Variants in RBM19 observed in about 807,000 individuals in gnomAD.
The protein encoded by RBM19 is RNA binding motif protein 19.
Under a neutral mutation model 116.8 loss-of-function variants are expected in RBM19, and 94 were observed. That is an observed-to-expected ratio of 0.80 (90% CI 0.68 to 0.95). The LOEUF (loss-of-function observed/expected upper bound fraction) is 0.95. RBM19 is among the 40% of genes least tolerant of loss of function. The probability of loss-of-function intolerance (pLI) is 0.00; values close to 1 mark genes in which losing one functional copy is unlikely to be tolerated. For synonymous variants in RBM19, 475 were observed against 494.1 expected (o/e 0.96, Z 0.51); for missense variants, 1,161 against 1,220.7 (o/e 0.95, Z 0.73).
At position 113,939,975 on chromosome 12, in the gene RBM19, A is replaced by G. The variant is rs142047648; in HGVS notation, c.1923T>C (p.His641=). The stretch of plus-strand genomic sequence containing the variant: ...GCAGCCCTACCTTGGAATAGGCCAG[A>G]TGCCTGAAGGCCTTGCGGGCCTCCA... ...EPLEARKAFR[H]LAYSKFHHVP... The change falls in exon 15 of 24, where the codon CAT becomes CAC. Residue 641 remains histidine, a synonymous_variant. Coordinates refer to ENST00000261741, the MANE Select transcript of RBM19 (RefSeq NM_016196.4). 9.3e-6 allele frequency: 15 copies of G among 1,614,040 alleles called. No individual in the cohort carries two copies. The African/African-American group carries it at 1.9e-4, about 20-fold the overall frequency.
At chr12:113,835,991 G>GGT (rs1321382355) in intron 23 of RBM19, among the ~76,000 whole-genome samples, 2 of 152,254 alleles carry the variant, frequency 1.3e-5, no homozygotes, top group Non-Finnish European at 2.9e-5. Flanking sequence ...TGCGCTCGCA[G>GGT]GTACTGTGGC....
intron 20 of RBM19, among the ~76,000 whole-genome samples, chr12:113,915,841 A>C (rs1372119794): frequency 6.6e-6 from 1 of 152,208 alleles, no homozygotes; most frequent in Admixed American, 6.5e-5. Flanking sequence ...AACATTCAAT[A>C]AACAGCAGCT....
At chr12:113,842,717 G>A (rs569591258) in intron 23 of RBM19, among the ~76,000 whole-genome samples, 1 of 152,312 alleles carries the variant, frequency 6.6e-6, no homozygotes, top group East Asian at 1.9e-4. Context: ...AGTAGAGGAT[G>A]GAGAAATTAC....
chr12:113,822,309 C>T lies in RBM19; in HGVS notation c.*915G>A, dbSNP rs3825207. 12,534 of 152,278 alleles carry T rather than the reference C, an allele frequency of 0.082. 558 individuals are homozygous for T. The highest frequency in any genetic ancestry group is 0.15 in the Middle Eastern group (43 of 294). The allele number at this position is 152,278 out of a possible 1,614,324, so 9.4% of individuals were successfully genotyped here. ...TGGTGCTGGCACAGGCCCTTCCAGGCGGGAGGCTGCGTCTCAGGCTGGAGA... is the reference window on the plus strand; with the variant it reads ...TGGTGCTGGCACAGGCCCTTCCAGGTGGGAGGCTGCGTCTCAGGCTGGAGA... On this transcript the variant is annotated 3_prime_UTR_variant, in exon 24 of 24. Transcript: ENST00000261741.
At chr12:113,965,142 G>T (rs974666053) in intron 1 of RBM19, among the ~76,000 whole-genome samples, 1 of 151,670 alleles carries the variant, frequency 6.6e-6, no homozygotes, top group Middle Eastern at 3.4e-3. Context: ...GCTTGGTGGC[G>T]CGTGTCTGTA....
At position 113,950,165 on chromosome 12, in the gene RBM19, A is replaced by C; in HGVS notation, c.1001-11T>G. The C allele has an allele frequency of 6.3e-7, 1 of 1,596,682 alleles. No homozygotes were observed. Among genetic ancestry groups the C allele is most frequent in the Non-Finnish European group, 8.6e-7 (1 of 1,164,654 alleles). On this transcript the variant is annotated splice_polypyrimidine_tract_variant and intron_variant, in intron 8 of 23. Coordinates refer to ENST00000261741, the MANE Select transcript of RBM19 (RefSeq NM_016196.4). ...CCACAAAGATGTATCCTGACAGAGG[A>C]CAATGACAGAGGTAAAATCTGCAGG...
intron 21 of RBM19, among the ~76,000 whole-genome samples, chr12:113,899,344 C>G (rs1881536049): frequency 6.6e-6 from 1 of 152,218 alleles, no homozygotes; most frequent in South Asian, 2.1e-4. Context: ...GAGATGACAG[C>G]AACCCTAAGC....
chr12:113,901,225 T>C (rs1881663811), intron 21 of RBM19, among the ~76,000 whole-genome samples: 1 of 152,218 alleles, frequency 6.6e-6, no homozygotes, highest in African/African-American at 2.4e-5. Flanking sequence ...ACAGTTAGCC[T>C]AGATTTAAGT....
intron 21 of RBM19, among the ~76,000 whole-genome samples, chr12:113,870,618 A>C (rs902019110): frequency 2.0e-5 from 3 of 152,150 alleles, no homozygotes; most frequent in Non-Finnish European, 4.4e-5. Flanking sequence ...AGATCTTACA[A>C]ATACAGGGAG....
intron 23 of RBM19, among the ~76,000 whole-genome samples, chr12:113,835,992 G>A (rs1463407984): frequency 6.6e-6 from 1 of 152,204 alleles, no homozygotes; most frequent in Non-Finnish European, 1.5e-5. Context: ...GCGCTCGCAG[G>A]TACTGTGGCC....
chr12:113,868,752 A>G (rs1424241086), intron 21 of RBM19, among the ~76,000 whole-genome samples: 1 of 152,204 alleles, frequency 6.6e-6, no homozygotes, highest in African/African-American at 2.4e-5. Flanking sequence ...ATTAAGGCAC[A>G]AGGCCTTGGT....
rs781712643 is a variant in RBM19 at position 113,903,496 on chromosome 12, A to G, written c.2558+11473T>C. On this transcript the variant is annotated intron_variant, in intron 21 of 23. Transcript: ENST00000261741. This position sits in a 1 kb window ranked among gnomAD's most constrained non-coding sequence, Gnocchi z 5.1. ...TGCCCAAGAGTGCAATCACTGGGTC[A>G]TAGAGAAAGTGCACGTTTTACTTTG... Among the ~76,000 whole-genome samples the G allele has an allele frequency of 1.3e-5, 2 of 152,202 alleles. No homozygotes were observed. Among genetic ancestry groups the G allele is most frequent in the African/African-American group, 2.4e-5 (1 of 41,438 alleles).
chr12:113,849,261 C>A (rs1251463331), intron 22 of RBM19, among the ~76,000 whole-genome samples: 1 of 152,240 alleles, frequency 6.6e-6, no homozygotes, highest in African/African-American at 2.4e-5. Flanking sequence ...GAAGGCGCTC[C>A]ATGCTTAAGA....
At chr12:113,840,465 G>T (rs1876365890) in intron 23 of RBM19, among the ~76,000 whole-genome samples, 1 of 152,218 alleles carries the variant, frequency 6.6e-6, no homozygotes, top group Admixed American at 6.5e-5. Context: ...CTGGCAACAT[G>T]CCCTGACATG....
intron 18 of RBM19, among the ~76,000 whole-genome samples, chr12:113,923,259 G>A (rs1032740972): frequency 6.6e-6 from 1 of 152,156 alleles, no homozygotes; most frequent in Non-Finnish European, 1.5e-5. Flanking sequence ...ATAGAAGGAG[G>A]ATGCCCTGTG....
At chr12:113,876,972 C>T (rs1206637338) in intron 21 of RBM19, among the ~76,000 whole-genome samples, 3 of 152,138 alleles carry the variant, frequency 2.0e-5, no homozygotes, top group Admixed American at 6.5e-5. Context: ...GACTGAAATC[C>T]CACTTTACAC....
Position 113,858,870 on chromosome 12 carries a change from C to T in RBM19, c.2585G>A (p.Arg862His), listed in dbSNP as rs146110962. ...FSTFGELKTV[R>H]LPKKMTGTGT... Reference sequence around the variant, plus strand: ...TGTCCCAGTCATCTTCTTTGGCAGGCGGACCGTCTTCAACTCCCCAAAGGT... The same window carrying T: ...TGTCCCAGTCATCTTCTTTGGCAGGTGGACCGTCTTCAACTCCCCAAAGGT... Residue 862 changes from arginine to histidine, a missense_variant, in exon 22 of 24, where the codon CGC becomes CAC. By Grantham distance (29) the Arg-to-His change is conservative. Coordinates refer to ENST00000261741, the MANE Select transcript of RBM19 (RefSeq NM_016196.4). 131 of 1,614,096 alleles carry T rather than the reference C, an allele frequency of 8.1e-5. 1 individual carries two copies. In the African/African-American group the frequency reaches 1.4e-3, roughly 17 times the overall value.
intron 10 of RBM19, among the ~76,000 whole-genome samples, chr12:113,948,174 T>G (rs985753123): frequency 1.3e-5 from 2 of 152,206 alleles, no homozygotes; most frequent in African/African-American, 4.8e-5. Flanking sequence ...AACCTACAGC[T>G]GGCCTCTGAA....
At chr12:113,883,698 G>A (rs1880309628) in intron 21 of RBM19, among the ~76,000 whole-genome samples, 1 of 150,140 alleles carries the variant, frequency 6.7e-6, no homozygotes, top group South Asian at 2.1e-4. Context: ...TTTGGACCCA[G>A]GTCTGTCTGG....
Sources: allele counts gnomAD v4.1 joint callset (sites outside exome capture counted in the v4.1 genomes callset), GRCh38; gene constraint gnomAD v4.1.1; non-coding constraint Gnocchi (gnomAD v3.1); transcripts MANE v1.5; gene names NCBI Gene and HGNC (gene_info 2026-07-23, HGNC 2026-07-21).